The following UBR1 variants were observed in gnomAD, a reference collection of about 807,000 sequenced individuals.
The protein encoded by UBR1 is E3 ubiquitin-protein ligase UBR1.
A neutral mutation model predicts 242.1 loss-of-function variants in UBR1; 102 were observed. That is an observed-to-expected ratio of 0.42 (90% confidence interval 0.36 to 0.50). The LOEUF (loss-of-function observed/expected upper bound fraction) is 0.50. UBR1 is among the 20% of genes least tolerant of loss of function. The pLI is 0.01. For missense variants in UBR1, 1,772 were observed against 2,101.8 expected (o/e 0.84, Z 3.07); for synonymous variants, 675 against 684.8 (o/e 0.99, Z 0.22).
Position 43,025,421 on chromosome 15 carries a change from A to G in UBR1, c.2544T>C (p.His848=). Residue 848 remains histidine, a synonymous_variant, in exon 24 of 47, where the codon CAT becomes CAC. Transcript: ENST00000290650. ...CTTGTTTTCTCCTTTTCTTCTGCAT[A>G]TGTTCAGCCTATAAAAAAATCTATC... ...YSKTQHSKAE[H]MQKKRRKQEN... 6.2e-7 allele frequency: 1 copy of G among 1,606,584 alleles called. No individual in the cohort carries two copies. The highest frequency in any genetic ancestry group is 8.5e-7 in the Non-Finnish European group (1 of 1,176,198).
At chr15:42,997,787 T>C (rs2032662775) in intron 33 of UBR1, among the ~76,000 whole-genome samples, 1 of 152,150 alleles carries the variant, frequency 6.6e-6, no homozygotes, top group Admixed American at 6.6e-5. Context: ...ATTATAATAT[T>C]ATTATCCCCG....
At chr15:43,059,603 A>T in intron 8 of UBR1, 99 bp downstream of exon 8, 1 of 1,165,060 alleles carries the variant, frequency 8.6e-7, no homozygotes, top group Non-Finnish European at 1.2e-6. Context: ...AAAAAAAAAA[A>T]AGAAAAACTT....
chr15:43,012,984 C>T (rs2032948732), intron 29 of UBR1, among the ~76,000 whole-genome samples: 1 of 152,218 alleles, frequency 6.6e-6, no homozygotes, highest in African/African-American at 2.4e-5. Context: ...CTGCTCACTA[C>T]AACCCCTGGC....
chr15:42,994,019 T>C (rs1042738428), intron 33 of UBR1, among the ~76,000 whole-genome samples: 3 of 152,200 alleles, frequency 2.0e-5, no homozygotes, highest in African/African-American at 4.8e-5. Flanking sequence ...GTTGTTCTCA[T>C]TGTTAATTGC....
intron 36 of UBR1, among the ~76,000 whole-genome samples, chr15:42,984,646 A>G (rs1175864150): frequency 3.3e-5 from 5 of 152,222 alleles, no homozygotes; most frequent in Non-Finnish European, 7.3e-5. Flanking sequence ...AAGGGAGAAA[A>G]AGTAATCATC....
At chr15:42,964,677 C>T (rs1032452287) in intron 41 of UBR1, among the ~76,000 whole-genome samples, 1 of 152,190 alleles carries the variant, frequency 6.6e-6, no homozygotes, top group African/African-American at 2.4e-5. Context: ...ACCTCATCTC[C>T]TGTCATCTCC....
At chr15:43,006,310 G>A (rs978718730) in intron 30 of UBR1, among the ~76,000 whole-genome samples, 55 of 152,272 alleles carry the variant, frequency 3.6e-4, no homozygotes, top group African/African-American at 1.3e-3. Context: ...CTTAACAAGT[G>A]CCTGGCAATG....
chr15:43,065,047 T>G (rs146705784), intron 6 of UBR1, among the ~76,000 whole-genome samples: 495 of 152,352 alleles, frequency 3.2e-3, no homozygotes, highest in African/African-American at 0.011. Context: ...TGTGAAAATC[T>G]AACATCCCAA....
rs1346366668 is a variant in UBR1 at position 43,026,550 on chromosome 15, C to T, written c.2535+11G>A. 6.2e-7 allele frequency: 1 copy of T among 1,610,008 alleles called. No homozygotes were observed. Among genetic ancestry groups the T allele is most frequent in the Admixed American group, 1.7e-5 (1 of 59,972 alleles). ...TTAGGTTTATTTACTGAAAAGGATA[C>T]TTTTTTCTACCTTGCTATGCTGGGT... is the stretch of plus-strand genomic sequence containing the variant. On this transcript the variant is annotated intron_variant, in intron 23 of 46. Transcript: ENST00000290650.
intron 27 of UBR1, among the ~76,000 whole-genome samples, chr15:43,017,986 G>T (rs899651343): frequency 6.7e-6 from 1 of 150,222 alleles, no homozygotes; most frequent in Non-Finnish European, 1.5e-5. Context: ...GAGACATTTC[G>T]ACATTTCTTT....
intron 27 of UBR1, among the ~76,000 whole-genome samples, chr15:43,019,861 C>T (rs1402734546): frequency 6.6e-6 from 1 of 151,722 alleles, no homozygotes; most frequent in Non-Finnish European, 1.5e-5. Context: ...GCCTCCGCCT[C>T]CCAAAGTGCT....
intron 39 of UBR1, among the ~76,000 whole-genome samples, chr15:42,971,262 G>A (rs1175817468): frequency 6.6e-6 from 1 of 152,134 alleles, no homozygotes; most frequent in African/African-American, 2.4e-5. Flanking sequence ...AAGGGAAGTA[G>A]GTGTCTGTCC....
chr15:42,979,209 C>CTT (rs533735378), intron 37 of UBR1, among the ~76,000 whole-genome samples: 4 of 138,502 alleles, frequency 2.9e-5, no homozygotes, highest in Non-Finnish European at 3.2e-5. Context: ...TTCTTTTTTT[C>CTT]TTTTTTTTTT....
intron 44 of UBR1, among the ~76,000 whole-genome samples, chr15:42,954,084 C>G (rs2031878503): frequency 6.6e-6 from 1 of 151,916 alleles, no homozygotes. Context: ...AGGGTCTCCC[C>G]ATGTTGCCTA....
chr15:43,043,476 C>A, intron 14 of UBR1, 81 bp from the exon 15 acceptor site: 1 of 1,370,092 alleles, frequency 7.3e-7, no homozygotes, highest in East Asian at 2.4e-5. Flanking sequence ...ACAGCCTGTC[C>A]TGTGGCCTAG....
chr15:43,017,254 A>G, intron 27 of UBR1, 73 bp from the exon 28 acceptor site: 2 of 1,061,080 alleles, frequency 1.9e-6, no homozygotes, highest in Non-Finnish European at 2.9e-6. Context: ...AACATTCACT[A>G]ATCTGATTTT....
chr15:43,101,228 T>A (rs1269338171), intron 1 of UBR1, among the ~76,000 whole-genome samples: 4 of 152,096 alleles, frequency 2.6e-5, no homozygotes, highest in African/African-American at 7.2e-5. Flanking sequence ...AGTTTATAAG[T>A]ATAAGAGAAA....
rs184769482 is a variant in UBR1, at chr15:43,000,260, T to C, written c.3660-1995A>G. The stretch of plus-strand genomic sequence containing the variant: ...GTATTTCAGATCCTGAGTAACAGAA[T>C]TGTTACTATAGATTAAAAGTGTGCC... On this transcript the variant is annotated intron_variant, in intron 32 of 46. Coordinates refer to ENST00000290650, the MANE Select transcript of UBR1 (RefSeq NM_174916.3). 1.2e-4 allele frequency among the ~76,000 whole-genome samples: 18 copies of C among 152,302 alleles called. No homozygotes were observed. In the East Asian group the frequency reaches 1.5e-3, roughly 13 times the overall value.
chr15:43,033,962 A>G (rs975951259), intron 19 of UBR1, among the ~76,000 whole-genome samples: 19 of 152,050 alleles, frequency 1.2e-4, no homozygotes, highest in African/African-American at 4.3e-4. Context: ...AAAATTGGCC[A>G]GGTGTAGTGG....
Sources: allele counts gnomAD v4.1 joint callset (sites outside exome capture counted in the v4.1 genomes callset), GRCh38; gene constraint gnomAD v4.1.1; transcripts MANE v1.5; gene names NCBI Gene and HGNC (gene_info 2026-07-23, HGNC 2026-07-21).